Variants in DOCK2 observed in about 807,000 individuals in gnomAD.
The protein encoded by DOCK2 is dedicator of cytokinesis protein 2.
In DOCK2, 87 loss-of-function variants were observed where a neutral mutation model predicts 248.9. The observed-to-expected ratio is 0.35, with a 90% CI of 0.29 to 0.42. DOCK2 has a LOEUF of 0.42. Ranked by LOEUF, DOCK2 falls within the 10% of genes least tolerant of loss-of-function variation. The probability of loss-of-function intolerance (pLI) is 1.00; values close to 1 mark genes in which losing one functional copy is unlikely to be tolerated. For missense variants in DOCK2, 1,747 were observed against 2,300.2 expected (o/e 0.76, Z 4.92); for synonymous variants, 805 against 821.6 (o/e 0.98, Z 0.35).
At chr5:169,725,679 C>G (rs1339940389) in intron 22 of DOCK2, among the ~76,000 whole-genome samples, 2 of 151,718 alleles carry the variant, frequency 1.3e-5, no homozygotes, top group African/African-American at 4.8e-5. Flanking sequence ...CCGACAGGCC[C>G]CGGTGTGTGA....
At chr5:169,925,579 TAAA>T (rs34833916) in intron 27 of DOCK2, among the ~76,000 whole-genome samples, 2 of 80,260 alleles carry the variant, frequency 2.5e-5, no homozygotes, top group African/African-American at 5.1e-5. Context: ...GACTCTGTCT[TAAA>T]AAAAAAAAAA....
chr5:169,837,857 A>C (rs149667002), intron 26 of DOCK2, among the ~76,000 whole-genome samples: 127 of 152,232 alleles, frequency 8.3e-4, no homozygotes, highest in African/African-American at 2.7e-3. Context: ...TTCTACTTTT[A>C]AATACCAAAC....
chr5:170,014,964 G>C (rs1755459119), intron 32 of DOCK2, among the ~76,000 whole-genome samples: 1 of 152,198 alleles, frequency 6.6e-6, no homozygotes, highest in Non-Finnish European at 1.5e-5. Context: ...GGAGGGTTGT[G>C]AGTGTCAGCC....
At chr5:169,883,387 A>C in intron 27 of DOCK2, 1 of 1,551,644 alleles carries the variant, frequency 6.4e-7, no homozygotes, top group African/African-American at 1.4e-5. Context: ...GACCCTTGGG[A>C]GGAATGCATG....
chr5:169,862,326 A>G (rs181324769), intron 27 of DOCK2, among the ~76,000 whole-genome samples: 1 of 152,384 alleles, frequency 6.6e-6, no homozygotes, highest in African/African-American at 2.4e-5. Context: ...ACATTCTAGC[A>G]TGATGCCCGA....
At chr5:169,867,407 CTCTG>C (rs56110833) in intron 27 of DOCK2, among the ~76,000 whole-genome samples, 82,029 of 148,830 alleles carry the variant, frequency 0.55, 22,544 homozygotes, top group Admixed American at 0.57. Flanking sequence ...GTGAAAACCT[CTCTG>C]TCTGTCTGTC....
At chr5:169,845,557 G>T (rs932070478) in intron 27 of DOCK2, among the ~76,000 whole-genome samples, 1 of 152,166 alleles carries the variant, frequency 6.6e-6, no homozygotes, top group African/African-American at 2.4e-5. Flanking sequence ...TGAAAATGCT[G>T]TCATTTCTTA....
chr5:169,841,669 T>C (rs1182257214), intron 27 of DOCK2: 1 of 160,108 alleles, frequency 6.2e-6, no homozygotes, highest in African/African-American at 2.4e-5. Context: ...TTTTTGAGTC[T>C]GATATCACCT....
At chr5:170,015,133 G>A (rs569189644) in intron 32 of DOCK2, among the ~76,000 whole-genome samples, 2 of 152,220 alleles carry the variant, frequency 1.3e-5, no homozygotes, top group African/African-American at 4.8e-5. Flanking sequence ...TCTAAAACTC[G>A]GCATAGAGCT....
intron 27 of DOCK2, among the ~76,000 whole-genome samples, chr5:169,948,319 A>G (rs1320778636): frequency 2.0e-5 from 3 of 152,214 alleles, no homozygotes; most frequent in Non-Finnish European, 4.4e-5. Flanking sequence ...ACAAATACAC[A>G]TAAGTGTTAT....
chr5:169,868,572 A>G (rs895410559), intron 27 of DOCK2, among the ~76,000 whole-genome samples: 1 of 152,164 alleles, frequency 6.6e-6, no homozygotes, highest in African/African-American at 2.4e-5. Context: ...CAGCCTGGGC[A>G]ACATAGCGAG....
chr5:169,866,680 A>G (rs1771583195), intron 27 of DOCK2, among the ~76,000 whole-genome samples: 1 of 152,202 alleles, frequency 6.6e-6, no homozygotes, highest in Non-Finnish European at 1.5e-5. Context: ...CTTCTAGCCA[A>G]AGCCCAGAAT....
At chr5:169,655,978 G>A (rs542980566) in intron 2 of DOCK2, among the ~76,000 whole-genome samples, 22 of 152,234 alleles carry the variant, frequency 1.4e-4, no homozygotes, top group East Asian at 3.9e-4. Flanking sequence ...TTCACACTCC[G>A]GCCCTGTTGA....
At chr5:169,659,815 C>A (rs78012376) in intron 2 of DOCK2, among the ~76,000 whole-genome samples, 7,132 of 152,202 alleles carry the variant, frequency 0.047, 210 homozygotes, top group Non-Finnish European at 0.069. Flanking sequence ...AGTAGGAATT[C>A]ATCATAGAAG....
chr5:170,042,591 A>G (rs756201205), intron 38 of DOCK2, among the ~76,000 whole-genome samples: 12 of 152,114 alleles, frequency 7.9e-5, no homozygotes, highest in Non-Finnish European at 1.6e-4. Context: ...CTCTATGCCA[A>G]GCTCTTTTCA....
chr5:169,680,707 C>A (rs1759610327), intron 6 of DOCK2, among the ~76,000 whole-genome samples: 1 of 151,918 alleles, frequency 6.6e-6, no homozygotes, highest in Non-Finnish European at 1.5e-5. Context: ...GAAGACAGAG[C>A]AAGACCCTGA....
At chr5:169,681,379 C>T (rs1759656078) in intron 6 of DOCK2, among the ~76,000 whole-genome samples, 1 of 151,592 alleles carries the variant, frequency 6.6e-6, no homozygotes, top group Non-Finnish European at 1.5e-5. Flanking sequence ...CCACCTCGGC[C>T]TCCCAAAGTG....
chr5:170,076,687 C>T (rs1757851900), intron 47 of DOCK2, among the ~76,000 whole-genome samples: 1 of 152,178 alleles, frequency 6.6e-6, no homozygotes, highest in Admixed American at 6.5e-5. Context: ...CCTTTAAAAC[C>T]ATCTGGTCCA....
At chr5:169,686,330 C>T (rs997013928) in intron 8 of DOCK2, among the ~76,000 whole-genome samples, 14 of 152,156 alleles carry the variant, frequency 9.2e-5, no homozygotes, top group African/African-American at 3.4e-4. Context: ...GATGGCTGGA[C>T]CAGCTCTGTG....
Sources: allele counts gnomAD v4.1 joint callset (sites outside exome capture counted in the v4.1 genomes callset), GRCh38; gene constraint gnomAD v4.1.1; transcripts MANE v1.5; gene names NCBI Gene and HGNC (gene_info 2026-07-23, HGNC 2026-07-21).